The following APP variants were observed in gnomAD, a reference collection of about 807,000 sequenced individuals.
APP encodes amyloid beta precursor protein, also known as amyloid-beta precursor protein.
In APP, 31 loss-of-function variants were observed where a neutral mutation model predicts 101.4. That is an observed-to-expected ratio of 0.31 (90% CI 0.23 to 0.41). The LOEUF (loss-of-function observed/expected upper bound fraction) is 0.41, where lower values mean the gene tolerates loss of function less well. Among genes scored for constraint, APP ranks in the 10% least tolerant of loss-of-function variants. The pLI, the probability that APP is intolerant of heterozygous loss-of-function variation, is 1.00. For synonymous variants in APP, 366 were observed against 364.4 expected (o/e 1.00, Z -0.05); for missense variants, 839 against 1,003.7 (o/e 0.84, Z 2.22).
intron 17 of APP, 95 bp from the exon 18 acceptor site, chr21:25,881,866 T>G: frequency 7.9e-7 from 1 of 1,268,758 alleles, no homozygotes; most frequent in East Asian, 2.4e-5. Flanking sequence ...TACAGTACTC[T>G]TCTTTTGCCA....
In APP at chr21:26,000,163, G is replaced by A. The variant is rs199890425; in HGVS notation, c.885C>T (p.Ala295=). Reference sequence around the variant, plus strand: ...TCATTGCTCGGCACGGCCCCGTCTCGGCTTGTTCAGAGCACACCTCTAATC... The same window carrying A: ...TCATTGCTCGGCACGGCCCCGTCTCAGCTTGTTCAGAGCACACCTCTAATC... ...EVVREVCSEQ[A]ETGPCRAMIS... Residue 295 remains alanine, a synonymous_variant, in exon 7 of 18, where the codon GCC becomes GCT. Coordinates refer to ENST00000346798, the MANE Select transcript of APP (RefSeq NM_000484.4). The A allele has an allele frequency of 3.4e-5, 55 of 1,614,174 alleles. No homozygotes were observed. Among genetic ancestry groups the A allele is most frequent in the East Asian group, 2.2e-4 (10 of 44,872 alleles).
At chr21:26,144,375 A>G (rs557958707) in intron 1 of APP, among the ~76,000 whole-genome samples, 56 of 152,310 alleles carry the variant, frequency 3.7e-4, no homozygotes, top group Admixed American at 3.7e-3. Flanking sequence ...CAGAATACCA[A>G]GTTAGTACCT....
chr21:25,911,647 G>T, intron 14 of APP, 94 bp downstream of exon 14: 1 of 1,192,024 alleles, frequency 8.4e-7, no homozygotes, highest in Non-Finnish European at 1.2e-6. Context: ...CACCACTCAA[G>T]AACATACAAA....
intron 3 of APP, among the ~76,000 whole-genome samples, chr21:26,077,956 T>C (rs554652771): frequency 3.3e-5 from 5 of 152,212 alleles, no homozygotes; most frequent in African/African-American, 1.2e-4. Flanking sequence ...AGAACCTTCT[T>C]TGTCAAGTAC....
At chr21:26,110,490 G>C (rs1412899353) in intron 2 of APP, among the ~76,000 whole-genome samples, 1 of 151,830 alleles carries the variant, frequency 6.6e-6, no homozygotes, top group Non-Finnish European at 1.5e-5. Flanking sequence ...ATGAACTTAA[G>C]TATTAGTGAT....
chr21:25,985,069 T>C (rs879527983), intron 8 of APP, among the ~76,000 whole-genome samples: 32 of 152,180 alleles, frequency 2.1e-4, no homozygotes, highest in African/African-American at 4.8e-5. Flanking sequence ...TATAATCAGA[T>C]TGGCCTAAGT....
chr21:25,899,205 A>C (rs182488239), intron 15 of APP, among the ~76,000 whole-genome samples: 1 of 152,316 alleles, frequency 6.6e-6, no homozygotes, highest in African/African-American at 2.4e-5. Flanking sequence ...CTTTCCACAA[A>C]GACCACAGGC....
chr21:26,045,371 T>C (rs1205411583), intron 5 of APP, among the ~76,000 whole-genome samples: 1 of 152,210 alleles, frequency 6.6e-6, no homozygotes, highest in Non-Finnish European at 1.5e-5. Flanking sequence ...TTCAGGTTCG[T>C]GCATGGCAGG....
At chr21:26,000,777 T>C (rs2043258126) in intron 6 of APP, among the ~76,000 whole-genome samples, 1 of 152,076 alleles carries the variant, frequency 6.6e-6, no homozygotes, top group South Asian at 2.1e-4. Context: ...CATTCATTTG[T>C]ATATTAAGAT....
rs776199943 is a variant in APP at position 25,897,689 on chromosome 21, AT to A, written c.1964-17del. 1 of 1,591,658 alleles carries A rather than the reference AT, an allele frequency of 6.3e-7. No homozygotes were observed. The highest frequency in any genetic ancestry group is 1.7e-5 in the Admixed American group (1 of 60,018). On this transcript the variant is annotated splice_polypyrimidine_tract_variant and intron_variant, in intron 15 of 17. Coordinates refer to ENST00000346798, the MANE Select transcript of APP (RefSeq NM_000484.4). Reference sequence around the variant, plus strand: ...AACCCAGAACCTGTATTACATCATAATTAAAGTATGCAGGACAACCAATTAG... The same window carrying A: ...AACCCAGAACCTGTATTACATCATAATAAAGTATGCAGGACAACCAATTAG...
chr21:26,025,887 A>G (rs545473582), intron 5 of APP, among the ~76,000 whole-genome samples: 79 of 152,394 alleles, frequency 5.2e-4, no homozygotes, highest in African/African-American at 1.8e-3. Flanking sequence ...GACACTATTT[A>G]AAACAAGAGC....
chr21:26,116,149 A>C (rs2062430539), intron 1 of APP, among the ~76,000 whole-genome samples: 1 of 152,238 alleles, frequency 6.6e-6, no homozygotes, highest in Non-Finnish European at 1.5e-5. Flanking sequence ...ACCAGCTAAA[A>C]ACAATGAAGC....
intron 3 of APP, among the ~76,000 whole-genome samples, chr21:26,074,718 T>C (rs996267040): frequency 1.3e-5 from 2 of 151,458 alleles, no homozygotes; most frequent in Non-Finnish European, 2.9e-5. Flanking sequence ...GTCACTGCAC[T>C]CCAGCCTGGG....
intron 1 of APP, among the ~76,000 whole-genome samples, chr21:26,137,279 C>G (rs528835525): frequency 6.6e-5 from 10 of 152,222 alleles, no homozygotes; most frequent in Admixed American, 6.5e-4. Flanking sequence ...CAGAGGTGCG[C>G]CAGTATTTGA....
rs1377614164 is a variant in APP at position 26,077,270 on chromosome 21, A to AT, written c.355+12672dup. 2.6e-4 allele frequency among the ~76,000 whole-genome samples: 39 copies of AT among 150,594 alleles called. 1 individual carries two copies. Among genetic ancestry groups the AT allele is most frequent in the Admixed American group, 2.5e-3 (38 of 15,074 alleles). On this transcript the variant is annotated intron_variant, in intron 3 of 17. Coordinates refer to ENST00000346798, the MANE Select transcript of APP (RefSeq NM_000484.4). ...CTTACTCCCTAAACTCTGTGCTTAA[A>AT]TAACTATTCTCCTGATTTTTCCGCT...
At chr21:25,932,462 T>C (rs189216644) in intron 13 of APP, among the ~76,000 whole-genome samples, 1 of 152,240 alleles carries the variant, frequency 6.6e-6, no homozygotes, top group African/African-American at 2.4e-5. Flanking sequence ...GATAACCTGT[T>C]TTCCCGCCTG....
intron 6 of APP, among the ~76,000 whole-genome samples, chr21:26,005,183 G>A (rs2043476723): frequency 6.6e-6 from 1 of 152,156 alleles, no homozygotes; most frequent in African/African-American, 2.4e-5. Context: ...GGAGGCCGAG[G>A]TGGGCAGATC....
intron 11 of APP, among the ~76,000 whole-genome samples, chr21:25,971,472 G>T (rs2042031140): frequency 6.6e-6 from 1 of 152,222 alleles, no homozygotes; most frequent in African/African-American, 2.4e-5. Flanking sequence ...GTTTCAGGTG[G>T]GGAAACCCAC....
At chr21:25,979,697 AAAG>A (rs2042352306) in intron 9 of APP, among the ~76,000 whole-genome samples, 1 of 152,234 alleles carries the variant, frequency 6.6e-6, no homozygotes, top group South Asian at 2.1e-4. Context: ...TTATTATTTT[AAAG>A]AAGACCTGTC....
Sources: allele counts gnomAD v4.1 joint callset (sites outside exome capture counted in the v4.1 genomes callset), GRCh38; gene constraint gnomAD v4.1.1; transcripts MANE v1.5; gene names NCBI Gene and HGNC (gene_info 2026-07-23, HGNC 2026-07-21).